EDA: variants seen among roughly 807,000 people sequenced by gnomAD.
The protein encoded by EDA is ectodysplasin A, also known as ectodysplasin-A.
A neutral mutation model predicts 23.6 loss-of-function variants in EDA; 2 were observed. That is an observed-to-expected ratio of 0.08 (90% CI 0.03 to 0.27). The LOEUF (loss-of-function observed/expected upper bound fraction) is 0.27. EDA is among the 10% of genes least tolerant of loss of function. The probability of loss-of-function intolerance (pLI) is 1.00; values close to 1 mark genes in which losing one functional copy is unlikely to be tolerated. For synonymous variants in EDA, 131 were observed against 132.0 expected, an observed-to-expected ratio of 0.99 and a Z score of 0.05; for missense variants, 229 against 324.2, an observed-to-expected ratio of 0.71 and a Z score of 2.26.
chrX:69,897,504 G>A (rs2018035461), intron 1 of EDA, among the ~76,000 whole-genome samples: 1 of 111,504 alleles, frequency 9.0e-6, no homozygotes, highest in African/African-American at 3.3e-5. Context: ...TTTAATCCAG[G>A]GTTTTACTTT....
chrX:69,786,478 C>T (rs767301540), intron 1 of EDA, among the ~76,000 whole-genome samples: 1,128 of 80,066 alleles, frequency 0.014, 6 homozygotes, highest in African/African-American at 0.048. Context: ...CCCAGAGATT[C>T]TGGTATGTTG....
rs1162900263 is a variant in EDA at position 70,027,884 on chromosome X, A to G, written c.554A>G (p.Asn185Ser). 4.0e-6 allele frequency: 4 copies of G among 1,012,173 alleles called. No individual in the cohort carries two copies. The African/African-American group carries it at 7.7e-5, about 19-fold the overall frequency. 83.4% of individuals were successfully genotyped at this position (1,012,173 alleles called of 1,213,427 possible). A position where few individuals can be genotyped will look rare whatever the true frequency, so the allele number is the denominator to read the frequency against. ...AAGAAAGCAGGACCTCCTGGACCCA[A>G]TGGCCCTCCAGGACCCCCAGGACCT... is the stretch of plus-strand genomic sequence containing the variant. The part of the protein sequence containing the change: ...KGKKAGPPGP[N>S]GPPGPPGPPG... The change falls in exon 4 of 8, where the codon AAT becomes AGT. Residue 185 changes from asparagine to serine, a missense_variant. Around this residue, in one of 2 missense-constraint regions of EDA, gnomAD observed 175 missense variants for 281.8 expected, o/e 0.62. Coordinates refer to ENST00000374552, the MANE Select transcript of EDA (RefSeq NM_001399.5).
At chrX:69,955,892 GT>G (rs777332500) in intron 1 of EDA, among the ~76,000 whole-genome samples, 163 of 111,869 alleles carry the variant, frequency 1.5e-3, no homozygotes, top group African/African-American at 4.8e-3. Flanking sequence ...CAAGCACATG[GT>G]TTTACCACAG....
chrX:69,987,553 T>A (rs1267504505), intron 2 of EDA, among the ~76,000 whole-genome samples: 1 of 108,702 alleles, frequency 9.2e-6, no homozygotes, highest in African/African-American at 3.4e-5. Context: ...TACAGAAGCC[T>A]CCAATTCATA....
In EDA at chrX:69,849,080, TATACACACACACACACACACAC is replaced by T. The variant is rs1331022547; in HGVS notation, c.397-107945_397-107924del. Among the ~76,000 whole-genome samples the T allele has an allele frequency of 1.2e-3, 101 of 84,568 alleles. 1 individual carries two copies. Among genetic ancestry groups the T allele is most frequent in the South Asian group, 4.4e-3 (7 of 1,593 alleles). 73.4% of individuals were successfully genotyped at this position (84,568 alleles called of 115,157 possible). ...TTTAATATAATGCACACAAAGTCTA[TATACACACACACACACACACAC>T]ACACACACACACACACACACACACA... On this transcript the variant is annotated intron_variant, in intron 1 of 7. Coordinates refer to ENST00000374552, the MANE Select transcript of EDA (RefSeq NM_001399.5).
In EDA at chrX:69,940,747, G is replaced by T. The variant is rs748848786; in HGVS notation, c.397-16280G>T. Among the ~76,000 whole-genome samples the T allele has an allele frequency of 2.5e-3, 281 of 111,246 alleles. 1 individual carries two copies. Among genetic ancestry groups the T allele is most frequent in the Non-Finnish European group, 4.8e-3 (251 of 52,816 alleles). ...TAATAATCACATCATGATAAATGAG[G>T]TATCCATTTCCTCAAACATTTATCC... On this transcript the variant is annotated intron_variant, in intron 1 of 7. Coordinates refer to ENST00000374552, the MANE Select transcript of EDA (RefSeq NM_001399.5).
At chrX:69,769,870 T>C (rs1453503890) in intron 1 of EDA, among the ~76,000 whole-genome samples, 2 of 111,466 alleles carry the variant, frequency 1.8e-5, no homozygotes, top group Non-Finnish European at 3.8e-5. Context: ...TTCTTCCTTG[T>C]ATGGGCAGGG....
rs1556026049 is a variant in EDA, at chrX:69,888,978, T to TAGATATATATATATATATA, written c.397-68049_397-68048insAGATATATATATATATATA. On this transcript the variant is annotated intron_variant, in intron 1 of 7. Coordinates refer to ENST00000374552, the MANE Select transcript of EDA (RefSeq NM_001399.5). ...GTGGAATTGTTGTATTGTGGGGTAG[T>TAGATATATATATATATATA]TATATATATATATATATATATATAT... is the stretch of plus-strand genomic sequence containing the variant. Among the ~76,000 whole-genome samples the TAGATATATATATATATATA allele has an allele frequency of 5.1e-3, 82 of 16,013 alleles. 3 individuals are homozygous for TAGATATATATATATATATA. Among genetic ancestry groups the TAGATATATATATATATATA allele is most frequent in the East Asian group, 0.019 (6 of 309 alleles). The allele number at this position is 16,013 out of a possible 115,157, so 13.9% of individuals were successfully genotyped here.
At chrX:69,901,556 A>G (rs1602520893) in intron 1 of EDA, among the ~76,000 whole-genome samples, 1 of 111,663 alleles carries the variant, frequency 9.0e-6, no homozygotes, top group Non-Finnish European at 1.9e-5. Context: ...CTTTTCCTTG[A>G]TACAGCTATC....
chrX:69,645,060 CT>C (rs752571528), intron 1 of EDA, among the ~76,000 whole-genome samples: 5 of 110,668 alleles, frequency 4.5e-5, no homozygotes, highest in East Asian at 5.7e-4. Flanking sequence ...CTAACGTTTT[CT>C]TTTTTTTGTT....
rs185575986 is a variant in EDA, at chrX:69,766,675, C to T, written c.396+149971C>T. ...CCATGGTGTATATGTACCACACTTT[C>T]TTAATCCAGTCTGTCATTGGTGGGC... On this transcript the variant is annotated intron_variant, in intron 1 of 7. Coordinates refer to ENST00000374552, the MANE Select transcript of EDA (RefSeq NM_001399.5). Among the ~76,000 whole-genome samples, 8 of 112,409 alleles carry T rather than the reference C, an allele frequency of 7.1e-5. No individual in the cohort carries two copies. The East Asian group carries it at 2.2e-3, about 31-fold the overall frequency.
chrX:70,011,165 G>A (rs993020169), intron 2 of EDA, among the ~76,000 whole-genome samples: 1 of 110,620 alleles, frequency 9.0e-6, no homozygotes, highest in Non-Finnish European at 1.9e-5. Context: ...GAAAAGTTTA[G>A]TGGTTACCCT....
At chrX:69,827,542 C>G (rs958175106) in intron 1 of EDA, among the ~76,000 whole-genome samples, 2 of 112,076 alleles carry the variant, frequency 1.8e-5, no homozygotes, top group Non-Finnish European at 3.8e-5. Context: ...CCTTGGTTTT[C>G]AGCTCCATCA....
chrX:69,891,437 G>A (rs1337597880), intron 1 of EDA, among the ~76,000 whole-genome samples: 3 of 111,533 alleles, frequency 2.7e-5, no homozygotes, highest in South Asian at 3.8e-4. Context: ...AATATAAATC[G>A]TTCTACTATA....
intron 1 of EDA, among the ~76,000 whole-genome samples, chrX:69,769,349 T>C (rs1048374298): frequency 9.8e-5 from 11 of 112,013 alleles, no homozygotes; most frequent in African/African-American, 2.9e-4. Flanking sequence ...TTTTGATTAG[T>C]ATCAGTGTGG....
intron 2 of EDA, among the ~76,000 whole-genome samples, chrX:69,971,234 C>G (rs150972197): frequency 0.01 from 1,176 of 112,042 alleles, 9 homozygotes; most frequent in Non-Finnish European, 0.018. Flanking sequence ...TAGTCAGCCT[C>G]CATGTCATTT....
chrX:69,702,661 G>A (rs111950902), intron 1 of EDA, among the ~76,000 whole-genome samples: 1,785 of 110,718 alleles, frequency 0.016, 44 homozygotes, highest in African/African-American at 0.056. Context: ...GTTGGGCTGG[G>A]AGGAGAAAGG....
chrX:69,962,832 C>T (rs1184703575), intron 2 of EDA, among the ~76,000 whole-genome samples: 3 of 112,020 alleles, frequency 2.7e-5, no homozygotes, highest in Non-Finnish European at 5.6e-5. Flanking sequence ...TTCACATTCC[C>T]TAATTTATGG....
chrX:69,788,114 A>G (rs2147464206), intron 1 of EDA, among the ~76,000 whole-genome samples: 1 of 111,145 alleles, frequency 9.0e-6, no homozygotes, highest in East Asian at 2.8e-4. Context: ...TTCTTCACAT[A>G]GTTCTCGAGC....
Sources: gnomAD v4.1 joint callset for allele counts (sites outside exome capture counted in the v4.1 genomes callset) on GRCh38, gnomAD v4.1.1 for gene constraint, gnomAD v4.1.1 regional missense constraint, MANE v1.5 for transcripts, NCBI Gene and HGNC (gene_info 2026-07-23, HGNC 2026-07-21) for gene names.